MPP7: variants seen among roughly 807,000 people sequenced by gnomAD.
MPP7 encodes MAGUK p55 scaffold protein 7.
Under a neutral mutation model 76.5 loss-of-function variants are expected in MPP7, and 60 were observed. The observed-to-expected ratio is 0.78, with a 90% CI of 0.64 to 0.97. MPP7 has a LOEUF of 0.97. Among genes scored for constraint, MPP7 ranks in the 50% least tolerant of loss-of-function variants. MPP7 has a pLI of 0.00. For missense variants in MPP7, 641 were observed against 694.0 expected (o/e 0.92, Z 0.86); for synonymous variants, 237 against 244.5 (o/e 0.97, Z 0.29).
chr10:28,104,165 T>C (rs181986172), intron 11 of MPP7, among the ~76,000 whole-genome samples: 160 of 152,082 alleles, frequency 1.1e-3, no homozygotes, highest in Admixed American at 2.2e-3. Flanking sequence ...CTCTAAAATT[T>C]AGCAAAGAAA....
intron 2 of MPP7, among the ~76,000 whole-genome samples, chr10:28,323,113 C>T (rs576416883): frequency 2.0e-5 from 3 of 151,952 alleles, no homozygotes; most frequent in Non-Finnish European, 2.9e-5. Context: ...GGTGAAACCC[C>T]GTCTCTACTA....
intron 1 of MPP7, among the ~76,000 whole-genome samples, chr10:28,277,081 C>T (rs967547409): frequency 6.6e-6 from 1 of 151,920 alleles, no homozygotes; most frequent in Non-Finnish European, 1.5e-5. Context: ...GTGCTCCCAG[C>T]TACTCAGGAG....
intron 3 of MPP7, among the ~76,000 whole-genome samples, chr10:28,165,814 C>A (rs1836432180): frequency 6.6e-6 from 1 of 152,058 alleles, no homozygotes; most frequent in African/African-American, 2.4e-5. Context: ...CACCTGAGTT[C>A]AGGAGTTCGA....
chr10:28,054,760 TCTGCCTCCGGGGTCCTAGCAATTCTC>T (rs1486734666), intron 16 of MPP7, among the ~76,000 whole-genome samples: 1 of 152,200 alleles, frequency 6.6e-6, no homozygotes, highest in Non-Finnish European at 1.5e-5. Flanking sequence ...CACCGCAACC[TCTGCCTCCGGGGTCCTAGCAATTCTC>T]CTGCCTCAGC....
At chr10:28,233,260 T>C (rs72803689) in intron 2 of MPP7, among the ~76,000 whole-genome samples, 12,485 of 152,228 alleles carry the variant, frequency 0.082, 659 homozygotes, top group Middle Eastern at 0.15. Flanking sequence ...TGCTAAGGAT[T>C]AGAGTTGAAA....
At position 28,053,972 on chromosome 10, in the gene MPP7, C is replaced by T. The variant is rs1851448690; in HGVS notation, c.*93G>A. 1.1e-6 allele frequency: 1 copy of T among 914,708 alleles called. No individual in the cohort carries two copies. The highest frequency in any genetic ancestry group is 1.4e-5 in the South Asian group (1 of 69,000). The allele number at this position is 914,708 out of a possible 1,614,324, so 56.7% of individuals were successfully genotyped here. On this transcript the variant is annotated 3_prime_UTR_variant, in exon 17 of 17. Coordinates refer to ENST00000683449, the MANE Select transcript of MPP7 (RefSeq NM_001318170.2). Reference sequence around the variant, plus strand: ...TTGAACCAAGATTGTACATCTATGACAGTGATATAGATTTAAAAACCCTAC... The same window carrying T: ...TTGAACCAAGATTGTACATCTATGATAGTGATATAGATTTAAAAACCCTAC...
chr10:28,103,424 T>C (rs150575034), intron 11 of MPP7, among the ~76,000 whole-genome samples: 32 of 152,322 alleles, frequency 2.1e-4, no homozygotes, highest in Admixed American at 1.9e-3. Flanking sequence ...CCTTTGCACA[T>C]GCTTGTACCA....
intron 3 of MPP7, among the ~76,000 whole-genome samples, chr10:28,178,791 TCAGA>T (rs758635898): frequency 1.4e-4 from 21 of 152,068 alleles, no homozygotes; most frequent in Non-Finnish European, 3.1e-4. Context: ...TTAATTATCC[TCAGA>T]AAGATTCTAT....
chr10:28,155,598 C>CAAAAAAAAAAA lies in MPP7; in HGVS notation c.157-5550_157-5540dup, dbSNP rs71391013. Reference sequence around the variant, plus strand: ...GGGCAACAGAGCCAGACCCTGTCTCCAAAAAAAAAAAGAAAGAAAAAGAAA... The same window carrying CAAAAAAAAAAA: ...GGGCAACAGAGCCAGACCCTGTCTCCAAAAAAAAAAAAAAAAAAAAAAGAAAGAAAAAGAAA... On this transcript the variant is annotated intron_variant, in intron 3 of 16. Transcript: ENST00000683449. Among the ~76,000 whole-genome samples, 104 of 124,606 alleles carry CAAAAAAAAAAA rather than the reference C, an allele frequency of 8.3e-4. 2 individuals are homozygous for CAAAAAAAAAAA. The highest frequency in any genetic ancestry group is 2.8e-3 in the African/African-American group (86 of 30,462). 81.7% of individuals were successfully genotyped at this position (124,606 alleles called of 152,430 possible). A position where few individuals can be genotyped will look rare whatever the true frequency, so the allele number is the denominator to read the frequency against.
intron 3 of MPP7, 21 bp from the exon 4 acceptor site, chr10:28,150,080 T>A: frequency 6.3e-7 from 1 of 1,575,850 alleles, no homozygotes; most frequent in Non-Finnish European, 8.7e-7. Flanking sequence ...ATCAAATGCA[T>A]ATAAGTTCAC....
chr10:28,188,630 T>A (rs1262935473), intron 3 of MPP7, among the ~76,000 whole-genome samples: 1 of 152,192 alleles, frequency 6.6e-6, no homozygotes, highest in Non-Finnish European at 1.5e-5. Flanking sequence ...AAAGTTTACC[T>A]TAGTTGAATT....
At chr10:28,205,937 G>A (rs945918133) in intron 2 of MPP7, among the ~76,000 whole-genome samples, 3 of 152,088 alleles carry the variant, frequency 2.0e-5, no homozygotes, top group Admixed American at 2.0e-4. Flanking sequence ...TCTTGGGAAT[G>A]GGTTCATTAT....
chr10:28,069,079 G>C (rs1238853514), intron 13 of MPP7, among the ~76,000 whole-genome samples: 1 of 152,120 alleles, frequency 6.6e-6, no homozygotes, highest in Non-Finnish European at 1.5e-5. Flanking sequence ...TACCATACGT[G>C]CTTGGTAAGT....
At chr10:28,312,323 A>T in intron 2 of MPP7, among the ~76,000 whole-genome samples, 1 of 152,122 alleles carries the variant, frequency 6.6e-6, no homozygotes, top group South Asian at 2.1e-4. Context: ...TGCATTTTAC[A>T]GAGTGCTGAT....
chr10:28,302,423 G>A (rs1266266259), intron 1 of MPP7, among the ~76,000 whole-genome samples: 2 of 151,674 alleles, frequency 1.3e-5, no homozygotes, highest in Non-Finnish European at 3.0e-5. Flanking sequence ...CGACCCAAGT[G>A]AAGACGCCTT....
Position 28,270,682 on chromosome 10 carries a change from A to G in MPP7, c.-131-31947T>C, listed in dbSNP as rs191006098. On this transcript the variant is annotated intron_variant, in intron 1 of 16. Coordinates refer to ENST00000683449, the MANE Select transcript of MPP7 (RefSeq NM_001318170.2). ...CTCGTTTTCTTAAACATGCAGTAGGAAATGGAAGCAAAATATTTATCATTA... is the reference window on the plus strand; with the variant it reads ...CTCGTTTTCTTAAACATGCAGTAGGGAATGGAAGCAAAATATTTATCATTA... Among the ~76,000 whole-genome samples the G allele has an allele frequency of 3.2e-3, 484 of 152,274 alleles. 3 individuals are homozygous for G. Among genetic ancestry groups the G allele is most frequent in the African/African-American group, 0.011 (458 of 41,568 alleles).
chr10:28,081,322 G>A lies in MPP7; in HGVS notation c.1123+8349C>T, dbSNP rs1003784094. ...TCCCTCACCCACACACACATTATTT[G>A]ACTTTATTACTTTACTTTTCAAAAA... On this transcript the variant is annotated intron_variant, in intron 12 of 16. Coordinates refer to ENST00000683449, the MANE Select transcript of MPP7 (RefSeq NM_001318170.2). Among the ~76,000 whole-genome samples the A allele has an allele frequency of 7.2e-5, 11 of 152,276 alleles. No individual in the cohort carries two copies. In the South Asian group the frequency reaches 1.0e-3, roughly 14 times the overall value.
chr10:28,059,721 GCTT>G lies in MPP7; in HGVS notation c.1224_1226del (p.Arg408del), dbSNP rs748900230. On this transcript the variant is annotated inframe_deletion, in exon 14 of 17. Coordinates refer to ENST00000683449, the MANE Select transcript of MPP7 (RefSeq NM_001318170.2). ...TGTATTCAACACCATCACTCTCCTG[GCTT>G]CTTCTTGCTCTGGTGGTATCTATGA... 3 of 1,612,602 alleles carry G rather than the reference GCTT, an allele frequency of 1.9e-6. No individual in the cohort carries two copies. The highest frequency in any genetic ancestry group is 2.7e-5 in the African/African-American group (2 of 74,816).
At chr10:28,125,962 T>C (rs973977563) in intron 6 of MPP7, among the ~76,000 whole-genome samples, 6 of 152,246 alleles carry the variant, frequency 3.9e-5, no homozygotes, top group African/African-American at 1.4e-4. Flanking sequence ...CAACATTGCA[T>C]AATACTGCTA....
Sources: gnomAD v4.1 joint callset for allele counts (sites outside exome capture counted in the v4.1 genomes callset) on GRCh38, gnomAD v4.1.1 for gene constraint, MANE v1.5 for transcripts, NCBI Gene and HGNC (gene_info 2026-07-23, HGNC 2026-07-21) for gene names.